Variants in SPIN2A observed in about 807,000 individuals in gnomAD.
SPIN2A encodes the protein spindlin-2A.
A neutral mutation model predicts 9.2 loss-of-function variants in SPIN2A; 4 were observed. The ratio of observed to expected loss-of-function variants is 0.44; its 90% confidence interval spans 0.21 to 1.00. The LOEUF (loss-of-function observed/expected upper bound fraction) is 1.00. Ranked by LOEUF, SPIN2A falls within the 50% of genes least tolerant of loss-of-function variation. The pLI is 0.26. For synonymous variants in SPIN2A, 25 were observed against 61.2 expected, an observed-to-expected ratio of 0.41 and a Z score of 2.76; for missense variants, 77 against 172.8, an observed-to-expected ratio of 0.45 and a Z score of 3.11.
intron 1 of SPIN2A, chrX:57,136,895 T>C (rs981651709): frequency 2.1e-4 from 141 of 676,463 alleles, no homozygotes; most frequent in Non-Finnish European, 2.8e-4. Context: ...TACCCTTTAC[T>C]GCCACTAGCA....
At chrX:57,137,723 C>T (rs1418803109), upstream of SPIN2A, 2 of 111,354 alleles carry the variant, frequency 1.8e-5, no homozygotes, top group African/African-American at 3.3e-5. Context: ...TCTAGCCCCT[C>T]CCCTCAGCTC....
chrX:57,138,252 T>C (rs1279635296), upstream of SPIN2A, among the ~76,000 whole-genome samples: 1 of 111,690 alleles, frequency 9.0e-6, no homozygotes, highest in South Asian at 3.7e-4. Context: ...CCTATAATTC[T>C]GAAAATAATC....
At chrX:57,143,214 A>G in the SPIN2A span, among the ~76,000 whole-genome samples, 1 of 110,240 alleles carries the variant, frequency 9.1e-6, no homozygotes, top group Non-Finnish European at 1.9e-5. Flanking sequence ...TTTGTGTATA[A>G]GTGATTTTTT....
the SPIN2A span, among the ~76,000 whole-genome samples, chrX:57,142,879 A>C: frequency 1.8e-5 from 2 of 111,207 alleles, no homozygotes; most frequent in Non-Finnish European, 3.8e-5. Context: ...TTCTTTTTAC[A>C]GTTTTTGGCT....
At chrX:57,135,554 TCACAGCCGAAATTGA>T, downstream of SPIN2A, 1 of 464,266 alleles carries the variant, frequency 2.2e-6, no homozygotes, top group East Asian at 4.4e-5. Flanking sequence ...TGAACTTTAT[TCACAGCCGAAATTGA>T]CAGCTGTTCG....
chrX:57,145,976 T>G, the SPIN2A span, among the ~76,000 whole-genome samples: 7 of 111,116 alleles, frequency 6.3e-5, no homozygotes, highest in Non-Finnish European at 1.1e-4. Context: ...TAGTATAGTT[T>G]GAAGTTGGGT....
At chrX:57,140,417 C>CAAAAAAA (rs60570721), upstream of SPIN2A, among the ~76,000 whole-genome samples, 1 of 64,799 alleles carries the variant, frequency 1.5e-5, no homozygotes. Context: ...CCATCTCTAC[C>CAAAAAAA]AAAAAAAAAA....
At chrX:57,142,473 A>G (rs1928029257), upstream of SPIN2A, among the ~76,000 whole-genome samples, 1 of 112,192 alleles carries the variant, frequency 8.9e-6, no homozygotes, top group South Asian at 3.7e-4. Context: ...AAGATACTTG[A>G]TATAATTTTA....
At chrX:57,140,605 A>AG (rs1325334566), upstream of SPIN2A, among the ~76,000 whole-genome samples, 1 of 107,611 alleles carries the variant, frequency 9.3e-6, no homozygotes, top group Non-Finnish European at 1.9e-5. Context: ...TCTCAAAAAA[A>AG]AAAAAAAAAA....
At chrX:57,139,121 C>T (rs1310846093), upstream of SPIN2A, among the ~76,000 whole-genome samples, 1 of 112,226 alleles carries the variant, frequency 8.9e-6, no homozygotes, top group Non-Finnish European at 1.9e-5. Context: ...CTCAAGAAAT[C>T]GTTGCTCAGA....
At chrX:57,146,884 C>G in the SPIN2A span, among the ~76,000 whole-genome samples, 2 of 111,650 alleles carry the variant, frequency 1.8e-5, no homozygotes, top group African/African-American at 6.5e-5. Context: ...CTTGCTTATG[C>G]TAAACCATCC....
the SPIN2A span, among the ~76,000 whole-genome samples, chrX:57,145,748 G>T: frequency 8.9e-6 from 1 of 111,816 alleles, no homozygotes; most frequent in Admixed American, 9.5e-5. Flanking sequence ...AGTGAGAGAT[G>T]AGGATCTAGT....
Position 57,136,036 on chromosome X carries a change from T to G in SPIN2A, c.562A>C (p.Ile188Leu). 8.3e-7 allele frequency: 1 copy of G among 1,204,116 alleles called. No homozygotes were observed. The highest frequency in any genetic ancestry group is 1.1e-6 in the Non-Finnish European group (1 of 892,617). ...LDDYKEGDLR[I>L]MPESSESPPT... ...GGAGACTCACTGGATTCTGGCATGA[T>G]GCGGAGGTCACCTTCCTTATAATCA... The change falls in exon 2 of 2, where the codon ATC (isoleucine) becomes CTC (leucine). Residue 188 changes from isoleucine (I) to leucine (L), a missense_variant. Ile to Leu is a conservative substitution (Grantham distance 5). Around this residue, in one of 4 missense-constraint regions of SPIN2A, gnomAD observed 7 missense variants for 32.0 expected, o/e 0.22. Transcript: ENST00000374906.
chrX:57,139,690 G>A (rs1192968335), upstream of SPIN2A, among the ~76,000 whole-genome samples: 2 of 111,317 alleles, frequency 1.8e-5, no homozygotes, highest in Non-Finnish European at 3.8e-5. Flanking sequence ...TCCTGACCTC[G>A]TGATCCGCCC....
At chrX:57,145,517 C>T in the SPIN2A span, among the ~76,000 whole-genome samples, 2 of 111,990 alleles carry the variant, frequency 1.8e-5, no homozygotes, top group Non-Finnish European at 3.8e-5. Context: ...TGTCTGTTTA[C>T]TCTGATGACT....
chrX:57,135,536 A>G, downstream of SPIN2A: 4 of 403,605 alleles, frequency 9.9e-6, no homozygotes, highest in Non-Finnish European at 1.6e-5. Context: ...ACTGATTATG[A>G]TTCTAGCTGA....
At chrX:57,135,491 A>T (rs150461805), downstream of SPIN2A, 152 of 286,846 alleles carry the variant, frequency 5.3e-4, 1 homozygote, top group African/African-American at 4.0e-3. Context: ...CCCCCTCCAG[A>T]CCAGACCAGC....
the SPIN2A span, among the ~76,000 whole-genome samples, chrX:57,144,085 G>T: frequency 8.9e-6 from 1 of 112,137 alleles, no homozygotes; most frequent in African/African-American, 3.2e-5. Flanking sequence ...TTTGCTGGCA[G>T]TATTCTCAGC....
At chrX:57,143,859 AT>A in the SPIN2A span, among the ~76,000 whole-genome samples, 1 of 111,937 alleles carries the variant, frequency 8.9e-6, no homozygotes, top group Non-Finnish European at 1.9e-5. Flanking sequence ...GTACTATAAT[AT>A]TCCAAATTTA....
Sources: gnomAD v4.1 joint callset for allele counts (sites outside exome capture counted in the v4.1 genomes callset) on GRCh38, gnomAD v4.1.1 for gene constraint, gnomAD v4.1.1 regional missense constraint, MANE v1.5 for transcripts, NCBI Gene and HGNC (gene_info 2026-07-23, HGNC 2026-07-21) for gene names.